ARHGEF28: variants seen among roughly 807,000 people sequenced by gnomAD.
ARHGEF28 encodes the protein Rho guanine nucleotide exchange factor 28.
A neutral mutation model predicts 206.6 loss-of-function variants in ARHGEF28; 152 were observed. The ratio of observed to expected loss-of-function variants is 0.74; its 90% CI spans 0.64 to 0.84. The LOEUF is 0.84. ARHGEF28 is among the 40% of genes least tolerant of loss of function. The pLI is 0.00. For synonymous variants in ARHGEF28, 763 were observed against 776.4 expected (o/e 0.98, Z 0.29); for missense variants, 2,028 against 2,073.2 (o/e 0.98, Z 0.42).
intron 2 of ARHGEF28, among the ~76,000 whole-genome samples, chr5:73,743,246 A>C (rs1472765724): frequency 1.3e-5 from 2 of 152,280 alleles, no homozygotes; most frequent in South Asian, 2.1e-4. Flanking sequence ...TATTTTTGTT[A>C]GATATGGAAT....
At chr5:73,890,991 G>C (rs1367943693) in intron 26 of ARHGEF28, among the ~76,000 whole-genome samples, 1 of 152,222 alleles carries the variant, frequency 6.6e-6, no homozygotes, top group Non-Finnish European at 1.5e-5. Flanking sequence ...TGGTAGAAGA[G>C]GTGGTTTAAT....
chr5:73,806,898 T>A (rs1405274230), intron 9 of ARHGEF28, among the ~76,000 whole-genome samples: 6 of 146,202 alleles, frequency 4.1e-5, no homozygotes, highest in African/African-American at 1.0e-4. Flanking sequence ...ATATACAATC[T>A]AAATATAAAC....
intron 9 of ARHGEF28, among the ~76,000 whole-genome samples, chr5:73,822,193 C>G (rs1013263940): frequency 6.6e-6 from 1 of 152,124 alleles, no homozygotes; most frequent in Non-Finnish European, 1.5e-5. Flanking sequence ...GCTGGAGAAA[C>G]AGCTCTCACT....
intron 2 of ARHGEF28, among the ~76,000 whole-genome samples, chr5:73,695,650 T>C (rs1428218917): frequency 6.6e-6 from 1 of 152,232 alleles, no homozygotes; most frequent in East Asian, 1.9e-4. Context: ...TGAGTTTTTG[T>C]AATTCCTCCA....
chr5:73,706,028 C>G (rs1340903203), intron 2 of ARHGEF28, among the ~76,000 whole-genome samples: 3 of 152,134 alleles, frequency 2.0e-5, no homozygotes, highest in African/African-American at 7.2e-5. Flanking sequence ...ACTGTTTACC[C>G]AGAAGGGTGG....
chr5:73,786,959 T>A (rs1176341043), intron 7 of ARHGEF28, among the ~76,000 whole-genome samples: 2 of 152,304 alleles, frequency 1.3e-5, no homozygotes, highest in African/African-American at 4.8e-5. Context: ...CCTCTGTGAT[T>A]TGGTTTGTGA....
chr5:73,840,335 G>C (rs1757907559), intron 10 of ARHGEF28, 145 bp from the exon 11 acceptor site: 1 of 718,472 alleles, frequency 1.4e-6, no homozygotes, highest in Non-Finnish European at 2.3e-6. Context: ...GGCTAGTCTT[G>C]AACTCCTGAC....
intron 9 of ARHGEF28, among the ~76,000 whole-genome samples, chr5:73,802,894 G>GTA: frequency 6.6e-6 from 1 of 150,964 alleles, no homozygotes; most frequent in East Asian, 1.9e-4. Context: ...GTGTGTGTGT[G>GTA]TGTGTGTGTG....
chr5:73,656,434 C>T (rs193235783), intron 1 of ARHGEF28, among the ~76,000 whole-genome samples: 223 of 152,286 alleles, frequency 1.5e-3, no homozygotes, highest in Admixed American at 6.3e-3. Flanking sequence ...TTTTCTCAGA[C>T]GTCAAACTTG....
intron 14 of ARHGEF28, among the ~76,000 whole-genome samples, chr5:73,855,364 TTAA>T (rs1225927032): frequency 6.6e-6 from 1 of 152,196 alleles, no homozygotes; most frequent in Non-Finnish European, 1.5e-5. Context: ...TATTTCATAA[TTAA>T]TAATATTTTT....
At chr5:73,849,203 T>C (rs1001058787) in intron 13 of ARHGEF28, 116 bp downstream of exon 13, 1 of 758,280 alleles carries the variant, frequency 1.3e-6, no homozygotes, top group African/African-American at 1.8e-5. Flanking sequence ...CATTCTGTTT[T>C]CATAACTGGT....
chr5:73,904,540 T>A, intron 33 of ARHGEF28, 135 bp downstream of exon 33: 1 of 936,072 alleles, frequency 1.1e-6, no homozygotes, highest in Non-Finnish European at 1.6e-6. Context: ...ACCTTCTAAG[T>A]GTGATGTGTT....
chr5:73,669,859 G>A (rs1363583036), intron 1 of ARHGEF28, among the ~76,000 whole-genome samples: 1 of 152,096 alleles, frequency 6.6e-6, no homozygotes, highest in Non-Finnish European at 1.5e-5. Flanking sequence ...GCTAATTTTT[G>A]TATTTTTAGT....
intron 10 of ARHGEF28, among the ~76,000 whole-genome samples, chr5:73,832,795 A>G (rs1450336930): frequency 6.6e-6 from 1 of 152,212 alleles, no homozygotes; most frequent in Non-Finnish European, 1.5e-5. Context: ...AAAAAACAGT[A>G]TGTATATGAC....
chr5:73,773,937 G>C lies in ARHGEF28; in HGVS notation c.558G>C (p.Pro186=). Residue 186 remains proline (P), a synonymous_variant, in exon 5 of 36, where the codon CCG becomes CCC. Transcript: ENST00000513042. ...TTTCCCAGTTCTTCTTGTGTCTCCC[G>C]GGGGGAGTCCAGGCCTTGGCTTTAC... ...AKLSQFFLCL[P]GGVQALALPN... The C allele has an allele frequency of 6.2e-7, 1 of 1,606,960 alleles. No individual in the cohort carries two copies. The highest frequency in any genetic ancestry group is 8.5e-7 in the Non-Finnish European group (1 of 1,176,504).
At chr5:73,878,294 C>A (rs1760669321) in intron 22 of ARHGEF28, among the ~76,000 whole-genome samples, 1 of 150,332 alleles carries the variant, frequency 6.7e-6, no homozygotes, top group Non-Finnish European at 1.5e-5. Context: ...TTCCTCCATC[C>A]TTTTATTTTG....
chr5:73,660,452 C>A (rs909343161), intron 1 of ARHGEF28, among the ~76,000 whole-genome samples: 24 of 152,168 alleles, frequency 1.6e-4, no homozygotes, highest in Admixed American at 1.6e-3. Flanking sequence ...CTTTCAAATT[C>A]CTGTTAATGT....
chr5:73,797,688 T>C (rs1754903370), intron 9 of ARHGEF28, among the ~76,000 whole-genome samples: 1 of 152,170 alleles, frequency 6.6e-6, no homozygotes, highest in African/African-American at 2.4e-5. Flanking sequence ...CTGGCCTCTT[T>C]TGTTATTTTA....
intron 4 of ARHGEF28, among the ~76,000 whole-genome samples, chr5:73,762,489 A>G (rs1383796614): frequency 6.6e-6 from 1 of 151,576 alleles, no homozygotes; most frequent in Non-Finnish European, 1.5e-5. Context: ...AACAACAACA[A>G]CAAAATCTAT....
Sources: allele counts gnomAD v4.1 joint callset (sites outside exome capture counted in the v4.1 genomes callset), GRCh38; gene constraint gnomAD v4.1.1; transcripts MANE v1.5; gene names NCBI Gene and HGNC (gene_info 2026-07-23, HGNC 2026-07-21).